The following MAEL variants were observed in gnomAD, a reference collection of about 807,000 sequenced individuals.
MAEL encodes maelstrom spermatogenic transposon silencer, also known as protein maelstrom homolog.
MAEL carries 46 observed loss-of-function variants against 62.0 expected under a neutral mutation model. The ratio of observed to expected loss-of-function variants is 0.74; its 90% CI spans 0.59 to 0.95. MAEL has a LOEUF of 0.95. Among genes scored for constraint, MAEL ranks in the 40% least tolerant of loss-of-function variants. The pLI, the probability that MAEL is intolerant of heterozygous loss-of-function variation, is 0.00. For synonymous variants in MAEL, 172 were observed against 175.5 expected (o/e 0.98, Z 0.16); for missense variants, 497 against 526.8 (o/e 0.94, Z 0.55).
Position 167,016,205 on chromosome 1 carries a change from T to C in MAEL, c.846-17T>C. The C allele has an allele frequency of 6.2e-7, 1 of 1,611,580 alleles. No homozygotes were observed. Among genetic ancestry groups the C allele is most frequent in the South Asian group, 1.1e-5 (1 of 91,038 alleles). On this transcript the variant is annotated splice_polypyrimidine_tract_variant and intron_variant, in intron 8 of 11. Coordinates refer to ENST00000367872, the MANE Select transcript of MAEL (RefSeq NM_032858.3). ...TGCTACTTCAGTTAGGATATTAAAG[T>C]CCATTTTTTTGTACAGGTGCAAGTG... is the stretch of plus-strand genomic sequence containing the variant.
intron 5 of MAEL, among the ~76,000 whole-genome samples, chr1:167,000,051 G>C (rs1664596109): frequency 6.6e-6 from 1 of 152,174 alleles, no homozygotes; most frequent in South Asian, 2.1e-4. Flanking sequence ...GATGTAAAGA[G>C]ATTAATGTTT....
chr1:167,017,479 A>G (rs1665445562), intron 9 of MAEL, among the ~76,000 whole-genome samples: 1 of 152,128 alleles, frequency 6.6e-6, no homozygotes, highest in East Asian at 1.9e-4. Flanking sequence ...AGTGGGTGAT[A>G]TTAGTTCACA....
At chr1:166,996,651 T>G (rs1360996019) in intron 5 of MAEL, among the ~76,000 whole-genome samples, 1 of 152,206 alleles carries the variant, frequency 6.6e-6, no homozygotes, top group Non-Finnish European at 1.5e-5. Flanking sequence ...CTTCCCTCTT[T>G]ATGAGAAAAT....
chr1:166,989,706 T>C, intron 1 of MAEL, 31 bp from the exon 2 acceptor site: 16 of 1,604,196 alleles, frequency 1.0e-5, no homozygotes, highest in African/African-American at 1.3e-5. Flanking sequence ...TCACGGCTGT[T>C]TCTCTTCTTT....
chr1:166,980,478 G>C (rs1202616384), intron 1 of MAEL, among the ~76,000 whole-genome samples: 3 of 152,234 alleles, frequency 2.0e-5, no homozygotes, highest in Admixed American at 6.5e-5. Flanking sequence ...AGGAGTGACA[G>C]GTGTTTTGTC....
chr1:166,997,678 C>A (rs971397709), intron 5 of MAEL, among the ~76,000 whole-genome samples: 4 of 152,142 alleles, frequency 2.6e-5, no homozygotes, highest in Non-Finnish European at 5.9e-5. Flanking sequence ...GTAGCTGGAA[C>A]TTGAGGCATG....
chr1:167,021,938 A>G lies in MAEL; in HGVS notation c.*83A>G, dbSNP rs1665652414. The G allele has an allele frequency of 1.2e-6, 1 of 822,526 alleles. No homozygotes were observed. 51.0% of individuals were successfully genotyped at this position (822,526 alleles called of 1,614,324 possible). A position where few individuals can be genotyped will look rare whatever the true frequency, so the allele number is the denominator to read the frequency against. ...CAGTCATATTAAACAGATCACATCA[A>G]TGACAAATGTCACTACTATAAAAAC... On this transcript the variant is annotated 3_prime_UTR_variant, in exon 12 of 12. Transcript: ENST00000367872.
chr1:167,018,574 AAT>A (rs1665492917), intron 10 of MAEL, among the ~76,000 whole-genome samples: 1 of 152,130 alleles, frequency 6.6e-6, no homozygotes, highest in Non-Finnish European at 1.5e-5. Flanking sequence ...TAAATGCAGC[AAT>A]ATATGACAGT....
chr1:167,013,889 T>G (rs2102122943), intron 8 of MAEL, among the ~76,000 whole-genome samples: 1 of 152,320 alleles, frequency 6.6e-6, no homozygotes, highest in Non-Finnish European at 1.5e-5. Flanking sequence ...GCTGCCTGGT[T>G]TTCCAAGAAC....
chr1:166,985,574 G>A (rs1663888683), upstream of MAEL, among the ~76,000 whole-genome samples: 1 of 152,168 alleles, frequency 6.6e-6, no homozygotes, highest in African/African-American at 2.4e-5. Context: ...ATCAGTAGAG[G>A]AGAAAATTAG....
intron 10 of MAEL, among the ~76,000 whole-genome samples, chr1:167,019,144 A>G (rs374090608): frequency 3.6e-3 from 554 of 152,218 alleles, no homozygotes; most frequent in South Asian, 7.7e-3. Context: ...GCCTGGGGAC[A>G]TTTTTGGTTG....
At chr1:166,995,822 G>A (rs1557975829) in intron 5 of MAEL, among the ~76,000 whole-genome samples, 1 of 152,066 alleles carries the variant, frequency 6.6e-6, no homozygotes, top group Non-Finnish European at 1.5e-5. Context: ...GACTGTCACT[G>A]GCTTACTGTT....
chr1:166,975,762 A>C (rs1216507615), intron 1 of MAEL: 1 of 151,864 alleles, frequency 6.6e-6, no homozygotes, highest in African/African-American at 2.4e-5. Flanking sequence ...GGCCGCGCCG[A>C]GCGGGGAGCG....
At chr1:167,001,729 T>G (rs1436021832) in intron 5 of MAEL, among the ~76,000 whole-genome samples, 1 of 152,212 alleles carries the variant, frequency 6.6e-6, no homozygotes, top group Non-Finnish European at 1.5e-5. Flanking sequence ...AGTTGCACAT[T>G]TTAATGAATG....
intron 8 of MAEL, among the ~76,000 whole-genome samples, chr1:167,014,698 C>T (rs1223602463): frequency 6.6e-6 from 1 of 151,964 alleles, no homozygotes; most frequent in Non-Finnish European, 1.5e-5. Context: ...GGGACCTTTC[C>T]AATAAAAAAT....
chr1:167,016,011 G>T (rs941220834), intron 8 of MAEL, among the ~76,000 whole-genome samples: 2 of 152,176 alleles, frequency 1.3e-5, no homozygotes, highest in African/African-American at 4.8e-5. Flanking sequence ...AAATTTGACT[G>T]TATGGTTATG....
intron 1 of MAEL, among the ~76,000 whole-genome samples, chr1:166,977,805 G>A (rs1435001169): frequency 2.6e-5 from 2 of 75,558 alleles, no homozygotes; most frequent in Non-Finnish European, 5.1e-5. Context: ...TACAAAAATT[G>A]CCAGGCGTGG....
chr1:166,994,225 T>A (rs1664311042), intron 5 of MAEL, among the ~76,000 whole-genome samples, 156 bp downstream of exon 5: 1 of 152,236 alleles, frequency 6.6e-6, no homozygotes, highest in African/African-American at 2.4e-5. Flanking sequence ...GTCTGTGATC[T>A]TTAAATTTTT....
intron 5 of MAEL, among the ~76,000 whole-genome samples, chr1:167,002,600 A>C (rs12405258): frequency 6.6e-6 from 1 of 152,134 alleles, no homozygotes; most frequent in African/African-American, 2.4e-5. Flanking sequence ...AGATTACCCT[A>C]ATGCATTTTC....
Sources: gnomAD v4.1 joint callset for allele counts (sites outside exome capture counted in the v4.1 genomes callset) on GRCh38, gnomAD v4.1.1 for gene constraint, MANE v1.5 for transcripts, NCBI Gene and HGNC (gene_info 2026-07-23, HGNC 2026-07-21) for gene names.